Variants in LTBP4 observed in about 807,000 individuals in gnomAD.
The protein encoded by LTBP4 is latent transforming growth factor beta binding protein 4, also known as latent-transforming growth factor beta-binding protein 4.
In LTBP4, 93 loss-of-function variants were observed where a neutral mutation model predicts 180.2. The observed-to-expected ratio is 0.52, with a 90% CI of 0.44 to 0.61. The LOEUF (loss-of-function observed/expected upper bound fraction) is 0.61. Ranked by LOEUF, LTBP4 falls within the 20% of genes least tolerant of loss-of-function variation. LTBP4 has a pLI of 0.00. For synonymous variants in LTBP4, 947 were observed against 934.5 expected (o/e 1.01, Z -0.24); for missense variants, 2,116 against 2,256.5 (o/e 0.94, Z 1.26).
At chr19:40,627,598 T>C in intron 28 of LTBP4, 107 bp from the exon 29 acceptor site, 1 of 1,439,586 alleles carries the variant, frequency 6.9e-7, no homozygotes. Context: ...TGGAGCGGGA[T>C]GGACAGTTTA....
Position 40,629,476 on chromosome 19 carries a change from C to T in LTBP4, c.4600C>T (p.Arg1534Cys), listed in dbSNP as rs1003760816. The change falls in exon 30 of 30, where the codon CGC becomes TGC. Residue 1534 changes from arginine (R) to cysteine (C), a missense_variant. Around this residue, in one of 5 missense-constraint regions of LTBP4, gnomAD observed 488 missense variants for 458.8 expected, o/e 1.06. Transcript: ENST00000396819. The surrounding 1 kb of genome is among the most constrained non-coding windows in gnomAD (Gnocchi z 4.5). ...ARCLNTDGSF[R>C]CICRPGFAPT... is the part of the protein sequence containing the mutation. ...TTGCCTCAACACGGATGGCTCCTTCCGCTGCATCTGCCGCCCGGGATTCGC... is the reference window on the plus strand; with the variant it reads ...TTGCCTCAACACGGATGGCTCCTTCTGCTGCATCTGCCGCCCGGGATTCGC... 1.9e-6 allele frequency: 3 copies of T among 1,608,584 alleles called. No individual in the cohort carries two copies. The highest frequency in any genetic ancestry group is 2.2e-5 in the East Asian group (1 of 44,606).
chr19:40,603,588 G>A (rs2081438458), intron 1 of LTBP4, among the ~76,000 whole-genome samples: 1 of 152,198 alleles, frequency 6.6e-6, no homozygotes, highest in African/African-American at 2.4e-5. Context: ...AGCCGTCTTT[G>A]AACTCGAGAG....
intron 20 of LTBP4, 38 bp downstream of exon 20, chr19:40,617,058 G>T (rs1173504409): frequency 6.2e-7 from 1 of 1,613,466 alleles, no homozygotes; most frequent in South Asian, 1.1e-5. Flanking sequence ...ATGTGGAGAT[G>T]GTAGAAGGTC....
upstream of LTBP4, among the ~76,000 whole-genome samples, chr19:40,601,112 C>G (rs1040729811): frequency 2.0e-5 from 3 of 152,142 alleles, no homozygotes; most frequent in African/African-American, 7.2e-5. Context: ...TGTTCCCTTC[C>G]CCGCCGCTCC....
intron 19 of LTBP4, chr19:40,615,351 C>T (rs991509793): frequency 8.5e-5 from 13 of 152,208 alleles, no homozygotes; most frequent in African/African-American, 3.1e-4. Flanking sequence ...TCACTAAGCA[C>T]CTACTCTATG....
chr19:40,612,838 A>G (rs1248592412), intron 15 of LTBP4, among the ~76,000 whole-genome samples: 3 of 152,190 alleles, frequency 2.0e-5, no homozygotes, highest in African/African-American at 4.8e-5. Flanking sequence ...CCTGACTCCA[A>G]AATCCTGGCA....
intron 19 of LTBP4, among the ~76,000 whole-genome samples, chr19:40,616,292 T>A (rs963020945): frequency 5.9e-5 from 8 of 136,420 alleles, no homozygotes; most frequent in East Asian, 2.0e-4. Context: ...AGACCCCATT[T>A]AAAAAAAAGA....
Position 40,605,204 on chromosome 19 carries a change from C to T in LTBP4, c.420C>T (p.Ala140=), listed in dbSNP as rs1216801357. Residue 140 remains alanine, a synonymous_variant, in exon 2 of 30, where the codon GCC becomes GCT. Transcript: ENST00000396819. This position sits in a 1 kb window ranked among gnomAD's most constrained non-coding sequence, Gnocchi z 5.5. ...GCTCCGTGTACACTATGCCACTGGCCAACCACCGCGACGACGAGCACGGTG... is the reference window on the plus strand; with the variant it reads ...GCTCCGTGTACACTATGCCACTGGCTAACCACCGCGACGACGAGCACGGTG... ...LTRSVYTMPL[A]NHRDDEHGVA... 1.9e-6 allele frequency: 3 copies of T among 1,601,988 alleles called. No homozygotes were observed. The highest frequency in any genetic ancestry group is 1.7e-5 in the Admixed American group (1 of 57,970).
intron 22 of LTBP4, among the ~76,000 whole-genome samples, chr19:40,621,334 C>T (rs2081585020): frequency 6.6e-6 from 1 of 152,114 alleles, no homozygotes; most frequent in Admixed American, 6.6e-5. Context: ...TCCATGAGTA[C>T]CCACTGTTTA....
At chr19:40,614,219 C>T in intron 18 of LTBP4, 96 bp from the exon 19 acceptor site, 1 of 1,495,840 alleles carries the variant, frequency 6.7e-7, no homozygotes, top group Non-Finnish European at 9.1e-7. Context: ...TCCTCTGCTT[C>T]CCCGGCCTCC....
At chr19:40,618,946 A>G (rs1272537459) in intron 21 of LTBP4, among the ~76,000 whole-genome samples, 1 of 152,206 alleles carries the variant, frequency 6.6e-6, no homozygotes. Context: ...AGGTGGCCCT[A>G]GAACCTCTGG....
intron 22 of LTBP4, among the ~76,000 whole-genome samples, chr19:40,621,073 C>T (rs1031709070): frequency 3.9e-5 from 6 of 152,086 alleles, no homozygotes; most frequent in African/African-American, 1.2e-4. Flanking sequence ...TCCTGAGTAG[C>T]TGGGATTACA....
chr19:40,614,562 C>A, intron 19 of LTBP4, 116 bp downstream of exon 19: 1 of 1,301,092 alleles, frequency 7.7e-7, no homozygotes, highest in South Asian at 1.4e-5. Flanking sequence ...GGAAAGAACA[C>A]CCTCTCACCG....
intron 26 of LTBP4, 67 bp from the exon 27 acceptor site, chr19:40,625,790 A>G (rs2081629269): frequency 2.2e-6 from 3 of 1,382,734 alleles, no homozygotes; most frequent in Non-Finnish European, 2.9e-6. Flanking sequence ...TCAGCAGGGG[A>G]AGGGTCCAGC....
rs1231516769 is a variant in LTBP4 at position 40,619,506 on chromosome 19, T to C, written c.3217+13T>C. 6.2e-7 allele frequency: 1 copy of C among 1,601,848 alleles called. No homozygotes were observed. The highest frequency in any genetic ancestry group is 8.5e-7 in the Non-Finnish European group (1 of 1,171,862). The stretch of plus-strand genomic sequence containing the variant: ...CGAACTTCTGCTGGTGAGACTGATG[T>C]GTCTATTTAACTGATGGCGGCTGGC... On this transcript the variant is annotated intron_variant, in intron 22 of 29. Transcript: ENST00000396819.
rs1295961928 is a variant in LTBP4, at chr19:40,611,196, G to C, written c.1855G>C (p.Ala619Pro). 1 of 1,613,738 alleles carries C rather than the reference G, an allele frequency of 6.2e-7. No individual in the cohort carries two copies. The highest frequency in any genetic ancestry group is 1.7e-5 in the Admixed American group (1 of 60,000). The change falls in exon 13 of 30, where the codon GCC becomes CCC. Residue 619 changes from alanine to proline, a missense_variant. Ala to Pro is a conservative substitution (Grantham distance 27). Coordinates refer to ENST00000396819, the MANE Select transcript of LTBP4 (RefSeq NM_001042545.2). The surrounding 1 kb of genome is among the most constrained non-coding windows in gnomAD (Gnocchi z 4.4). ...GAGCCCAGGCCTGTGTGGCCGAGGGGCCTGCAAGAACCTGCCTGGCTCTTT... is the reference window on the plus strand; with the variant it reads ...GAGCCCAGGCCTGTGTGGCCGAGGGCCCTGCAAGAACCTGCCTGGCTCTTT... Reference protein sequence around the residue: ...TQSPGLCGRGACKNLPGSFRC... With the variant: ...TQSPGLCGRGPCKNLPGSFRC...
Position 40,607,403 on chromosome 19 carries a change from C to A in LTBP4, c.1030C>A (p.Arg344Ser). The A allele has an allele frequency of 6.2e-7, 1 of 1,613,052 alleles. No individual in the cohort carries two copies. Among genetic ancestry groups the A allele is most frequent in the Non-Finnish European group, 8.5e-7 (1 of 1,179,590 alleles). Reference sequence around the variant, plus strand: ...CTCAGAGGCCAAAGGGCCCTGCTTCCGCGTGCTCCGCGACGGCGGCTGTTC... The same window carrying A: ...CTCAGAGGCCAAAGGGCCCTGCTTCAGCGTGCTCCGCGACGGCGGCTGTTC... ...VISEAKGPCF[R>S]VLRDGGCSLP... The change falls in exon 7 of 30, where the codon CGC (arginine) becomes AGC (serine). Residue 344 changes from arginine (R) to serine (S), a missense_variant. Physicochemically the swap from Arg to Ser is moderately radical, Grantham distance 110 (BLOSUM62 -1). This residue lies in a region of LTBP4 where 469 missense variants were observed against 532.5 expected (regional missense o/e 0.88). Transcript: ENST00000396819.
At position 40,611,163 on chromosome 19, in the gene LTBP4, T is replaced by C. The variant is rs749779239; in HGVS notation, c.1822T>C (p.Cys608Arg). 1 of 1,612,854 alleles carries C rather than the reference T, an allele frequency of 6.2e-7. No homozygotes were observed. The highest frequency in any genetic ancestry group is 2.2e-5 in the East Asian group (1 of 44,806). ...CCTGCCCTGTGCAGATGTGGATGAA[T>C]GCACCCAGAGCCCAGGCCTGTGTGG... ...HGASCQDVDE[C>R]TQSPGLCGRG... Residue 608 changes from cysteine to arginine, a missense_variant, in exon 13 of 30, where the codon TGC (cysteine) becomes CGC (arginine). Transcript: ENST00000396819. The surrounding 1 kb of genome is among the most constrained non-coding windows in gnomAD (Gnocchi z 4.4).
upstream of LTBP4, among the ~76,000 whole-genome samples, chr19:40,598,148 C>G (rs903546424): frequency 6.6e-6 from 1 of 150,722 alleles, no homozygotes; most frequent in Non-Finnish European, 1.5e-5. Context: ...GCCCAGCGCT[C>G]CGTTACAAAG....
Sources: gnomAD v4.1 joint callset for allele counts (sites outside exome capture counted in the v4.1 genomes callset) on GRCh38, gnomAD v4.1.1 for gene constraint, gnomAD v4.1.1 regional missense constraint, Gnocchi (gnomAD v3.1) non-coding constraint, MANE v1.5 for transcripts, NCBI Gene and HGNC (gene_info 2026-07-23, HGNC 2026-07-21) for gene names.